SYT16: variants seen among roughly 807,000 people sequenced by gnomAD.
SYT16 encodes the protein synaptotagmin-16.
Under a neutral mutation model 61.4 loss-of-function variants are expected in SYT16, and 42 were observed. The observed-to-expected ratio is 0.68, with a 90% CI of 0.53 to 0.89. The LOEUF is 0.89. SYT16 is among the 40% of genes least tolerant of loss of function. The pLI, the probability that SYT16 is intolerant of heterozygous loss-of-function variation, is 0.00. For missense variants in SYT16, 804 were observed against 807.3 expected (o/e 1.00, Z 0.05); for synonymous variants, 314 against 302.3 (o/e 1.04, Z -0.40).
chr14:61,823,574 CAAAAAAAAAAAAAAAA>C (rs55935256), intron 1 of SYT16, among the ~76,000 whole-genome samples: 1 of 71,046 alleles, frequency 1.4e-5, no homozygotes, highest in African/African-American at 5.5e-5. Context: ...ACTAAAAATA[CAAAAAAAAAAAAAAAA>C]AAAAAAGAAG....
chr14:62,093,341 A>C (rs979797655), intron 7 of SYT16, among the ~76,000 whole-genome samples: 2 of 152,112 alleles, frequency 1.3e-5, no homozygotes, highest in Non-Finnish European at 2.9e-5. Context: ...TGTGATAAAT[A>C]GAAAGCACAA....
intron 5 of SYT16, among the ~76,000 whole-genome samples, chr14:62,078,155 C>CTATATATA (rs374965535): frequency 0.019 from 2,628 of 135,774 alleles, 44 homozygotes; most frequent in Middle Eastern, 0.042. Flanking sequence ...CTCTCTCTCT[C>CTATATATA]TATATATATA....
At position 62,000,104 on chromosome 14, in the gene SYT16, T is replaced by TTTTTTTTTTTTTTTTTTTTTTTTG. The variant is rs2052945980; in HGVS notation, c.523+3585_523+3586insGTTTTTTTTTTTTTTTTTTTTTTT. Reference sequence around the variant, plus strand: ...AATACTTATTTTGTCTCTCGATTTTTTTTTTTTTTTTTTTTTTTTTTTTTA... The same window carrying TTTTTTTTTTTTTTTTTTTTTTTTG: ...AATACTTATTTTGTCTCTCGATTTTTTTTTTTTTTTTTTTTTTTTTTTTGTTTTTTTTTTTTTTTTTTTTTTTTA... On this transcript the variant is annotated intron_variant, in intron 3 of 7. Coordinates refer to ENST00000683842, the MANE Select transcript of SYT16 (RefSeq NM_001367656.1). 1.9e-5 allele frequency among the ~76,000 whole-genome samples: 2 copies of TTTTTTTTTTTTTTTTTTTTTTTTG among 106,954 alleles called. 1 individual carries two copies. The highest frequency in any genetic ancestry group is 4.1e-5 in the Non-Finnish European group (2 of 48,262). The allele number at this position is 106,954 out of a possible 152,430, so 70.2% of individuals were successfully genotyped here. A position where few individuals can be genotyped will look rare whatever the true frequency, so the allele number is the denominator to read the frequency against.
At chr14:61,958,854 G>A (rs1373764712) in intron 1 of SYT16, among the ~76,000 whole-genome samples, 4 of 151,934 alleles carry the variant, frequency 2.6e-5, no homozygotes, top group South Asian at 2.1e-4. Flanking sequence ...GGATATTGAC[G>A]TCTTTTATTA....
At chr14:61,946,281 CACAGAA>C (rs372157058) in intron 1 of SYT16, among the ~76,000 whole-genome samples, 1 of 152,130 alleles carries the variant, frequency 6.6e-6, no homozygotes. Context: ...AAGGAAATAA[CACAGAA>C]ACAGAAAGTC....
At chr14:62,099,221 G>A (rs999957270) in intron 7 of SYT16, among the ~76,000 whole-genome samples, 4 of 152,138 alleles carry the variant, frequency 2.6e-5, no homozygotes, top group Admixed American at 1.3e-4. Context: ...AGATTGCTCT[G>A]GCAGTCCCCT....
At chr14:61,989,302 C>T (rs1257396609) in intron 2 of SYT16, among the ~76,000 whole-genome samples, 1 of 152,120 alleles carries the variant, frequency 6.6e-6, no homozygotes, top group Admixed American at 6.6e-5. Context: ...AAAACATTGT[C>T]TGTGTAATCC....
rs1466893964 is a variant in SYT16 at position 61,946,568 on chromosome 14, A to G, written c.-324-23564A>G. On this transcript the variant is annotated intron_variant, in intron 1 of 7. Transcript: ENST00000683842. Reference sequence around the variant, plus strand: ...TAAAATATATTTTAAAAAAGAAAACATTCTCAGGTACTGTTTTCTGTTAAT... The same window carrying G: ...TAAAATATATTTTAAAAAAGAAAACGTTCTCAGGTACTGTTTTCTGTTAAT... 3.9e-5 allele frequency among the ~76,000 whole-genome samples: 6 copies of G among 152,160 alleles called. No homozygotes were observed. The East Asian group carries it at 9.7e-4, about 24-fold the overall frequency.
At chr14:61,901,001 G>T (rs2048494157) in intron 1 of SYT16, among the ~76,000 whole-genome samples, 1 of 152,192 alleles carries the variant, frequency 6.6e-6, no homozygotes, top group Non-Finnish European at 1.5e-5. Flanking sequence ...TGCAGTGTAG[G>T]TTCCTTGGTA....
intron 1 of SYT16, among the ~76,000 whole-genome samples, chr14:61,840,865 A>G (rs55728068): frequency 0.078 from 11,906 of 152,258 alleles, 535 homozygotes; most frequent in Non-Finnish European, 0.1. Flanking sequence ...TAGTATTCCA[A>G]TAAAATATCT....
intron 1 of SYT16, among the ~76,000 whole-genome samples, chr14:61,829,305 T>C (rs948303842): frequency 6.6e-6 from 1 of 152,224 alleles, no homozygotes; most frequent in African/African-American, 2.4e-5. Context: ...GTATATACTT[T>C]ATCATTTCTG....
At chr14:61,943,681 A>G (rs1341607058) in intron 1 of SYT16, among the ~76,000 whole-genome samples, 2 of 152,090 alleles carry the variant, frequency 1.3e-5, no homozygotes, top group Non-Finnish European at 2.9e-5. Flanking sequence ...AAAATTCAAT[A>G]CCCCTTCATG....
At chr14:62,093,023 T>G (rs370198126) in intron 7 of SYT16, among the ~76,000 whole-genome samples, 102 of 152,174 alleles carry the variant, frequency 6.7e-4, no homozygotes, top group African/African-American at 2.1e-3. Context: ...AAAGAAATAC[T>G]AGTATTAAAA....
intron 1 of SYT16, among the ~76,000 whole-genome samples, chr14:61,848,541 G>A (rs537335545): frequency 8.3e-4 from 126 of 152,226 alleles, no homozygotes; most frequent in African/African-American, 3.0e-3. Context: ...GCACAACACT[G>A]GGCCTCATTC....
intron 2 of SYT16, among the ~76,000 whole-genome samples, chr14:61,988,880 C>T (rs907927202): frequency 4.2e-5 from 3 of 70,872 alleles, no homozygotes; most frequent in Admixed American, 3.7e-4. Context: ...TATCTAATCG[C>T]ATTTTTTTTT....
chr14:62,024,992 A>T (rs902207559), intron 3 of SYT16, among the ~76,000 whole-genome samples: 1 of 152,034 alleles, frequency 6.6e-6, no homozygotes, highest in East Asian at 1.9e-4. Context: ...GCTGTATAAT[A>T]TTCCATTATC....
At chr14:62,003,592 A>C (rs2053107907) in intron 3 of SYT16, among the ~76,000 whole-genome samples, 1 of 152,030 alleles carries the variant, frequency 6.6e-6, no homozygotes. Flanking sequence ...GTTGTTGTTT[A>C]AAGAGTGGGA....
At chr14:62,098,158 TAC>T (rs2057325865) in intron 7 of SYT16, among the ~76,000 whole-genome samples, 1 of 152,248 alleles carries the variant, frequency 6.6e-6, no homozygotes, top group African/African-American at 2.4e-5. Context: ...TTTCCTATCT[TAC>T]AATGCTTTTG....
In SYT16 at chr14:62,103,697, A is replaced by T. The variant is rs1351322505; in HGVS notation, c.*2990A>T. 1 of 152,126 alleles carries T rather than the reference A, an allele frequency of 6.6e-6. No homozygotes were observed. Among genetic ancestry groups the T allele is most frequent in the Admixed American group, 6.5e-5 (1 of 15,272 alleles). The allele number at this position is 152,126 out of a possible 1,614,324, so 9.4% of individuals were successfully genotyped here. A position where few individuals can be genotyped will look rare whatever the true frequency, so the allele number is the denominator to read the frequency against. ...GTTGTTTTGGACTCTGTTTTTGCTG[A>T]TGCTGCATAACTGTTGGAGGTGGGG... On this transcript the variant is annotated 3_prime_UTR_variant, in exon 8 of 8. Transcript: ENST00000683842.
Sources: allele counts gnomAD v4.1 joint callset (sites outside exome capture counted in the v4.1 genomes callset), GRCh38; gene constraint gnomAD v4.1.1; transcripts MANE v1.5; gene names NCBI Gene and HGNC (gene_info 2026-07-23, HGNC 2026-07-21).